Variants in THSD4 observed in about 807,000 individuals in gnomAD.
THSD4 encodes the protein thrombospondin type-1 domain-containing protein 4.
A neutral mutation model predicts 119.0 loss-of-function variants in THSD4; 69 were observed. The ratio of observed to expected loss-of-function variants is 0.58; its 90% CI spans 0.48 to 0.71. The LOEUF is 0.71. THSD4 is among the 30% of genes least tolerant of loss of function. THSD4 has a pLI of 0.00. For missense variants in THSD4, 1,393 were observed against 1,391.1 expected, an observed-to-expected ratio of 1.00 and a Z score of -0.02; for synonymous variants, 524 against 540.4, an observed-to-expected ratio of 0.97 and a Z score of 0.42.
At chr15:71,424,573 A>G (rs947044590) in intron 7 of THSD4, among the ~76,000 whole-genome samples, 1 of 152,204 alleles carries the variant, frequency 6.6e-6, no homozygotes, top group African/African-American at 2.4e-5. Context: ...CTTTCTCCAG[A>G]CATCAAAAAC....
intron 7 of THSD4, among the ~76,000 whole-genome samples, chr15:71,622,369 T>TTTG (rs1301589640): frequency 6.6e-6 from 1 of 152,184 alleles, no homozygotes; most frequent in Non-Finnish European, 1.5e-5. Flanking sequence ...ACTGGAGACT[T>TTTG]TTTCAAGAGT....
At chr15:71,641,808 A>T (rs142860809) in intron 7 of THSD4, among the ~76,000 whole-genome samples, 1 of 152,194 alleles carries the variant, frequency 6.6e-6, no homozygotes, top group Non-Finnish European at 1.5e-5. Context: ...AAAAGGTACA[A>T]TGCTAAAAAG....
At chr15:71,559,890 A>G (rs1052468058) in intron 7 of THSD4, among the ~76,000 whole-genome samples, 1 of 152,164 alleles carries the variant, frequency 6.6e-6, no homozygotes, top group African/African-American at 2.4e-5. Context: ...TTACTTCTTG[A>G]GAAAATTTAT....
At chr15:71,297,320 T>TTTTTGTTTGTTTG (rs111707595) in intron 6 of THSD4, among the ~76,000 whole-genome samples, 3 of 147,982 alleles carry the variant, frequency 2.0e-5, no homozygotes, top group Admixed American at 6.7e-5. Context: ...CTCTTCTTTT[T>TTTTTGTTTGTTTG]TTTGTTTGTT....
chr15:71,264,519 T>A lies in THSD4; in HGVS notation c.1015+7804T>A, dbSNP rs559798771. 2.6e-5 allele frequency among the ~76,000 whole-genome samples: 4 copies of A among 152,274 alleles called. No individual in the cohort carries two copies. In the South Asian group the frequency reaches 8.3e-4, roughly 32 times the overall value. ...GTGAAAACAAAATGATGATTTTGGT[T>A]TTGTATATGTTGAGTCTGAATGAAT... On this transcript the variant is annotated intron_variant, in intron 6 of 17. Transcript: ENST00000261862.
intron 7 of THSD4, among the ~76,000 whole-genome samples, chr15:71,434,073 C>G (rs2046974593): frequency 6.6e-6 from 1 of 152,058 alleles, no homozygotes. Flanking sequence ...GCAAAATGTC[C>G]TAATTAAATT....
At chr15:71,622,826 T>A (rs1393954331) in intron 7 of THSD4, among the ~76,000 whole-genome samples, 4 of 152,088 alleles carry the variant, frequency 2.6e-5, no homozygotes, top group Non-Finnish European at 5.9e-5. Flanking sequence ...CAGGATACTG[T>A]TAGGGTAAGT....
intron 7 of THSD4, among the ~76,000 whole-genome samples, chr15:71,412,727 A>G (rs1011585492): frequency 5.3e-5 from 8 of 152,320 alleles, no homozygotes; most frequent in African/African-American, 1.7e-4. Flanking sequence ...ATTTGTGAGC[A>G]CAACCTACCC....
intron 16 of THSD4, among the ~76,000 whole-genome samples, chr15:71,766,402 G>C (rs1320754581): frequency 6.6e-6 from 1 of 152,104 alleles, no homozygotes; most frequent in Non-Finnish European, 1.5e-5. Context: ...AGTGAGCCCA[G>C]AGTAGGGGGG....
intron 9 of THSD4, chr15:71,729,814 G>T (rs1423441772): frequency 6.6e-6 from 1 of 152,084 alleles, no homozygotes; most frequent in African/African-American, 2.4e-5. Flanking sequence ...AGGGAGGGAG[G>T]ATTTCCAGCC....
Position 71,272,293 on chromosome 15 carries a change from C to T in THSD4, c.1015+15578C>T, listed in dbSNP as rs972427937. On this transcript the variant is annotated intron_variant, in intron 6 of 17. Coordinates refer to ENST00000261862, the MANE Select transcript of THSD4 (RefSeq NM_024817.3). ...GCACGCACCTGTAGTCCCAGCTACT[C>T]GGGAGGCCAAAGCCGAATTGCTTGA... 6.8e-5 allele frequency among the ~76,000 whole-genome samples: 10 copies of T among 147,540 alleles called. No individual in the cohort carries two copies. In the South Asian group the frequency reaches 2.0e-3, roughly 29 times the overall value.
At chr15:71,180,009 G>A (rs1419856667) in intron 3 of THSD4, among the ~76,000 whole-genome samples, 4 of 104,058 alleles carry the variant, frequency 3.8e-5, no homozygotes, top group African/African-American at 1.1e-4. Context: ...GGGGGAGGGG[G>A]GAGGGATAGC....
At chr15:71,282,421 A>G (rs79169343) in intron 6 of THSD4, among the ~76,000 whole-genome samples, 5 of 152,134 alleles carry the variant, frequency 3.3e-5, no homozygotes, top group African/African-American at 1.2e-4. Flanking sequence ...AAGAAATAGG[A>G]AAAAAGAAGA....
chr15:71,468,037 C>G (rs1241193936), intron 7 of THSD4, among the ~76,000 whole-genome samples: 1 of 151,904 alleles, frequency 6.6e-6, no homozygotes, highest in Admixed American at 6.6e-5. Context: ...TTAGTGGAAA[C>G]GAGGTTTCAT....
At chr15:71,119,607 A>G (rs1157374121) in intron 1 of THSD4, among the ~76,000 whole-genome samples, 1 of 152,150 alleles carries the variant, frequency 6.6e-6, no homozygotes, top group Admixed American at 6.5e-5. Context: ...AGCTTACTCG[A>G]AGGCATGTAA....
intron 8 of THSD4, among the ~76,000 whole-genome samples, chr15:71,708,831 G>A (rs2052447088): frequency 6.6e-6 from 1 of 152,172 alleles, no homozygotes; most frequent in South Asian, 2.1e-4. Context: ...GGCAAATAGC[G>A]TTGCCCTGAA....
chr15:71,651,765 A>G (rs1312380878), intron 7 of THSD4, among the ~76,000 whole-genome samples: 1 of 152,082 alleles, frequency 6.6e-6, no homozygotes, highest in Non-Finnish European at 1.5e-5. Flanking sequence ...CTCTGGGTCC[A>G]CCCTTCTTGT....
intron 14 of THSD4, among the ~76,000 whole-genome samples, chr15:71,753,892 A>G (rs766982097): frequency 2.0e-5 from 3 of 152,184 alleles, no homozygotes; most frequent in Non-Finnish European, 4.4e-5. Context: ...GGGCACTGGC[A>G]TGGTCCTTCA....
intron 2 of THSD4, among the ~76,000 whole-genome samples, chr15:71,143,008 G>T (rs1456848916): frequency 6.6e-6 from 1 of 152,218 alleles, no homozygotes; most frequent in Non-Finnish European, 1.5e-5. Flanking sequence ...TGCAGTGCAT[G>T]TGTGTGAGCT....
Sources: allele counts gnomAD v4.1 joint callset (sites outside exome capture counted in the v4.1 genomes callset), GRCh38; gene constraint gnomAD v4.1.1; transcripts MANE v1.5; gene names NCBI Gene and HGNC (gene_info 2026-07-23, HGNC 2026-07-21).